The following CAB39L variants were observed in gnomAD, a reference collection of about 807,000 sequenced individuals.
CAB39L encodes the protein calcium binding protein 39 like, also known as calcium-binding protein 39-like.
CAB39L carries 23 observed loss-of-function variants against 39.1 expected under a neutral mutation model. That is an observed-to-expected ratio of 0.59 (90% CI 0.42 to 0.83). The LOEUF (loss-of-function observed/expected upper bound fraction) is 0.83. Ranked by LOEUF, CAB39L falls within the 40% of genes least tolerant of loss-of-function variation. CAB39L has a pLI of 0.00. For missense variants in CAB39L, 366 were observed against 391.9 expected, an observed-to-expected ratio of 0.93 and a Z score of 0.56; for synonymous variants, 126 against 137.2, an observed-to-expected ratio of 0.92 and a Z score of 0.57.
chr13:49,315,151 G>A (rs1235483079), intron 10 of CAB39L, among the ~76,000 whole-genome samples: 1 of 152,162 alleles, frequency 6.6e-6, no homozygotes, highest in Non-Finnish European at 1.5e-5. Context: ...TCATGTTTCT[G>A]TTCTTTCCAT....
At chr13:49,358,667 C>T (rs1955548330) in intron 6 of CAB39L, among the ~76,000 whole-genome samples, 1 of 152,014 alleles carries the variant, frequency 6.6e-6, no homozygotes, top group Admixed American at 6.6e-5. Flanking sequence ...TCGAGACCAG[C>T]CTGGCCAAAT....
intron 3 of CAB39L, among the ~76,000 whole-genome samples, chr13:49,424,681 T>A (rs558964315): frequency 1.3e-5 from 2 of 152,342 alleles, no homozygotes; most frequent in South Asian, 4.1e-4. Flanking sequence ...AATTTTTCTG[T>A]AAATCTAGAA....
intron 5 of CAB39L, among the ~76,000 whole-genome samples, chr13:49,366,770 C>T (rs1401820548): frequency 6.6e-6 from 1 of 151,952 alleles, no homozygotes; most frequent in Non-Finnish European, 1.5e-5. Flanking sequence ...AATCCCAGCA[C>T]TTTAGGAAGC....
chr13:49,315,839 C>T (rs1462234017), intron 10 of CAB39L, among the ~76,000 whole-genome samples: 3 of 147,230 alleles, frequency 2.0e-5, no homozygotes, highest in Admixed American at 1.4e-4. Flanking sequence ...GAGCCAAGAT[C>T]GTGCCACGGC....
chr13:49,401,186 G>A (rs996854142), intron 3 of CAB39L: 7 of 152,170 alleles, frequency 4.6e-5, no homozygotes, highest in African/African-American at 1.7e-4. Context: ...TAGACACATG[G>A]TGAGGTGCTG....
chr13:49,339,527 T>C, intron 9 of CAB39L, 150 bp downstream of exon 9: 1 of 893,316 alleles, frequency 1.1e-6, no homozygotes, highest in Non-Finnish European at 1.5e-6. Flanking sequence ...TAAAATACAG[T>C]CATAACATAA....
chr13:49,434,065 C>T (rs981947650), intron 2 of CAB39L, 21 bp downstream of exon 2: 13 of 434,478 alleles, frequency 3.0e-5, no homozygotes, highest in African/African-American at 2.3e-4. Flanking sequence ...GTTTCCCCAT[C>T]AGAAATAAGA....
At chr13:49,352,528 T>G (rs2138474669) in intron 6 of CAB39L, among the ~76,000 whole-genome samples, 1 of 151,720 alleles carries the variant, frequency 6.6e-6, no homozygotes, top group Non-Finnish European at 1.5e-5. Flanking sequence ...CTGAGGTGGA[T>G]GGACTGCTTA....
chr13:49,362,926 C>T (rs1181167587), intron 5 of CAB39L, among the ~76,000 whole-genome samples: 4 of 152,076 alleles, frequency 2.6e-5, no homozygotes, highest in African/African-American at 4.8e-5. Context: ...CCTTACAGGC[C>T]AGGAGAGAGT....
chr13:49,346,594 G>A (rs1050456289), intron 7 of CAB39L, among the ~76,000 whole-genome samples: 2 of 152,140 alleles, frequency 1.3e-5, no homozygotes, highest in Non-Finnish European at 2.9e-5. Context: ...GGGGTAGAGT[G>A]AGAGAGACAC....
intron 5 of CAB39L, among the ~76,000 whole-genome samples, chr13:49,361,636 T>A (rs1161069303): frequency 6.6e-6 from 1 of 152,126 alleles, no homozygotes; most frequent in Non-Finnish European, 1.5e-5. Flanking sequence ...ACTTTTCCAG[T>A]CTCATCAGCT....
intron 10 of CAB39L, among the ~76,000 whole-genome samples, chr13:49,329,794 G>A (rs559520402): frequency 1.3e-3 from 190 of 151,872 alleles, no homozygotes; most frequent in Non-Finnish European, 2.3e-3. Context: ...TAACTTCAAA[G>A]TGCATTTAAA....
intron 5 of CAB39L, among the ~76,000 whole-genome samples, chr13:49,375,262 A>G (rs1340425237): frequency 6.6e-6 from 1 of 152,176 alleles, no homozygotes; most frequent in South Asian, 2.1e-4. Flanking sequence ...TTAAGCTCAA[A>G]GAGGTTAAGT....
In CAB39L at chr13:49,441,221, G is replaced by A. The variant is rs969126930; in HGVS notation, c.-246+2765C>T. On this transcript the variant is annotated intron_variant, in intron 1 of 10. Coordinates refer to ENST00000409308, the MANE Select transcript of CAB39L (RefSeq NM_001079670.3). Reference sequence around the variant, plus strand: ...GATGATTTTCTTATAATGATTTAGTGTATATATATATATATATATATATTC... The same window carrying A: ...GATGATTTTCTTATAATGATTTAGTATATATATATATATATATATATATTC... Among the ~76,000 whole-genome samples the A allele has an allele frequency of 4.6e-4, 56 of 121,432 alleles. No individual in the cohort carries two copies. The East Asian group carries it at 5.1e-3, about 11-fold the overall frequency. 79.7% of individuals were successfully genotyped at this position (121,432 alleles called of 152,430 possible). A position where few individuals can be genotyped will look rare whatever the true frequency, so the allele number is the denominator to read the frequency against.
intron 3 of CAB39L, among the ~76,000 whole-genome samples, chr13:49,423,432 T>C (rs1293135363): frequency 2.0e-5 from 3 of 152,124 alleles, no homozygotes; most frequent in Admixed American, 2.0e-4. Context: ...GAGTAAGAAT[T>C]AGAGGCCAGG....
intron 10 of CAB39L, 100 bp from the exon 11 acceptor site, chr13:49,311,093 C>T: frequency 1.1e-6 from 1 of 949,750 alleles, no homozygotes; most frequent in Non-Finnish European, 1.6e-6. Flanking sequence ...ACTCGCGTTT[C>T]ATGCGTGACT....
At chr13:49,341,266 T>C (rs557850983) in intron 8 of CAB39L, among the ~76,000 whole-genome samples, 166 of 152,210 alleles carry the variant, frequency 1.1e-3, no homozygotes, top group African/African-American at 3.7e-3. Flanking sequence ...TTTTCTTTTT[T>C]TTTTTGAGAC....
Position 49,438,127 on chromosome 13 carries a change from G to A in CAB39L, c.-245-3904C>T, listed in dbSNP as rs112566381. On this transcript the variant is annotated intron_variant, in intron 1 of 10. Coordinates refer to ENST00000409308, the MANE Select transcript of CAB39L (RefSeq NM_001079670.3). ...GCTGGGATTACAGGCATTAGCCACC[G>A]TGTCCAGCTGGTATTATTTTTATTA... 2.6e-5 allele frequency among the ~76,000 whole-genome samples: 4 copies of A among 152,154 alleles called. No individual in the cohort carries two copies. The East Asian group carries it at 5.8e-4, about 22-fold the overall frequency.
chr13:49,398,464 CAA>C (rs1462433688), intron 3 of CAB39L, among the ~76,000 whole-genome samples: 1 of 151,858 alleles, frequency 6.6e-6, no homozygotes, highest in African/African-American at 2.4e-5. Flanking sequence ...GAAAATTGTC[CAA>C]ATCTACCTGT....
Sources: allele counts gnomAD v4.1 joint callset (sites outside exome capture counted in the v4.1 genomes callset), GRCh38; gene constraint gnomAD v4.1.1; transcripts MANE v1.5; gene names NCBI Gene and HGNC (gene_info 2026-07-23, HGNC 2026-07-21).